Variants in SGCZ observed in about 807,000 individuals in gnomAD.
The protein encoded by SGCZ is sarcoglycan zeta.
SGCZ carries 40 observed loss-of-function variants against 41.3 expected under a neutral mutation model. The observed-to-expected ratio is 0.97, with a 90% CI of 0.75 to 1.26. SGCZ has a LOEUF of 1.26. Ranked by LOEUF, SGCZ falls within the 50% of genes most tolerant of loss-of-function variation. The probability of loss-of-function intolerance (pLI) is 0.00; values close to 1 mark genes in which losing one functional copy is unlikely to be tolerated. For synonymous variants in SGCZ, 206 were observed against 137.5 expected, an observed-to-expected ratio of 1.50 and a Z score of -3.49; for missense variants, 552 against 369.8, an observed-to-expected ratio of 1.49 and a Z score of -4.04.
intron 1 of SGCZ, among the ~76,000 whole-genome samples, chr8:14,726,178 G>T (rs1336121994): frequency 6.7e-6 from 1 of 150,144 alleles, no homozygotes; most frequent in African/African-American, 2.4e-5. Flanking sequence ...AGAATCACTT[G>T]AACCTGGGAG....
intron 4 of SGCZ, among the ~76,000 whole-genome samples, chr8:14,217,598 A>C (rs1218130170): frequency 6.6e-6 from 1 of 151,704 alleles, no homozygotes; most frequent in Non-Finnish European, 1.5e-5. Flanking sequence ...ATGAAGCAAA[A>C]ACACTTGAGA....
intron 4 of SGCZ, among the ~76,000 whole-genome samples, chr8:14,207,798 G>C (rs574230913): frequency 3.9e-5 from 6 of 152,098 alleles, no homozygotes; most frequent in Non-Finnish European, 8.8e-5. Context: ...AACTCATGAA[G>C]GGCAGGGATC....
intron 3 of SGCZ, among the ~76,000 whole-genome samples, chr8:14,271,541 C>A (rs756092311): frequency 6.6e-5 from 10 of 152,194 alleles, no homozygotes; most frequent in African/African-American, 2.4e-4. Context: ...TCTGGAATTA[C>A]AATTTTGACT....
intron 1 of SGCZ, among the ~76,000 whole-genome samples, chr8:15,110,708 C>G (rs1014335440): frequency 1.3e-5 from 2 of 152,210 alleles, no homozygotes; most frequent in Non-Finnish European, 2.9e-5. Context: ...GTGGCTCACT[C>G]CTGTAATCCC....
intron 1 of SGCZ, among the ~76,000 whole-genome samples, chr8:15,133,803 A>T (rs1808006197): frequency 6.6e-6 from 1 of 152,210 alleles, no homozygotes; most frequent in African/African-American, 2.4e-5. Flanking sequence ...TCTGAGCAGA[A>T]AATGAGCCTA....
chr8:14,900,380 G>A (rs1268686185), intron 1 of SGCZ, among the ~76,000 whole-genome samples: 1 of 152,088 alleles, frequency 6.6e-6, no homozygotes, highest in African/African-American at 2.4e-5. Context: ...TTGAGTGAGT[G>A]AGGCTGAAAG....
intron 2 of SGCZ, among the ~76,000 whole-genome samples, chr8:14,479,803 T>A (rs983924127): frequency 2.8e-4 from 41 of 144,284 alleles, no homozygotes; most frequent in African/African-American, 9.8e-4. Flanking sequence ...TGGAGTGCAA[T>A]CGCATGATCT....
chr8:14,509,102 T>A (rs187349670), intron 2 of SGCZ, among the ~76,000 whole-genome samples: 1 of 152,246 alleles, frequency 6.6e-6, no homozygotes, highest in African/African-American at 2.4e-5. Flanking sequence ...AGGCTCTTTA[T>A]GTATTAAACA....
chr8:15,110,860 T>G (rs778915272), intron 1 of SGCZ, among the ~76,000 whole-genome samples: 7 of 151,932 alleles, frequency 4.6e-5, no homozygotes, highest in South Asian at 2.1e-4. Context: ...CCCAGCTACT[T>G]AAGAGGCTGA....
chr8:14,655,923 G>A (rs1478899408), intron 1 of SGCZ, among the ~76,000 whole-genome samples: 2 of 152,132 alleles, frequency 1.3e-5, no homozygotes, highest in African/African-American at 4.8e-5. Flanking sequence ...GTCATCCAGA[G>A]TATTTCAAGT....
intron 1 of SGCZ, among the ~76,000 whole-genome samples, chr8:15,198,036 T>C (rs1190424389): frequency 6.8e-6 from 1 of 147,596 alleles, no homozygotes. Flanking sequence ...TGTTACATTA[T>C]ATATTTATAT....
chr8:14,702,328 G>A (rs1053702194), intron 1 of SGCZ, among the ~76,000 whole-genome samples: 4 of 151,576 alleles, frequency 2.6e-5, no homozygotes, highest in Non-Finnish European at 5.9e-5. Context: ...GACATTTATT[G>A]TTAGAATGCT....
chr8:14,458,033 G>A (rs1461874), intron 2 of SGCZ, among the ~76,000 whole-genome samples: 152,230 of 152,248 alleles, frequency 1, 76,106 homozygotes, highest in Non-Finnish European at 1. Flanking sequence ...TAGAACCATG[G>A]GTCAATCAAA....
At chr8:14,286,064 T>A (rs772816952) in intron 3 of SGCZ, among the ~76,000 whole-genome samples, 3 of 150,068 alleles carry the variant, frequency 2.0e-5, no homozygotes, top group Non-Finnish European at 4.4e-5. Flanking sequence ...TTTATGCTAA[T>A]GCAGTCAATG....
intron 2 of SGCZ, among the ~76,000 whole-genome samples, chr8:14,521,443 G>A (rs1015744199): frequency 6.6e-6 from 1 of 151,870 alleles, no homozygotes; most frequent in Non-Finnish European, 1.5e-5. Context: ...TAACAAACCT[G>A]CACTTGTACC....
chr8:14,872,432 A>T (rs1235914134), intron 1 of SGCZ, among the ~76,000 whole-genome samples: 1 of 152,136 alleles, frequency 6.6e-6, no homozygotes, highest in Middle Eastern at 3.2e-3. Context: ...AGTGGTTACT[A>T]TTAATATCTA....
At chr8:14,183,438 A>AT (rs1481902664) in intron 4 of SGCZ, among the ~76,000 whole-genome samples, 1 of 152,182 alleles carries the variant, frequency 6.6e-6, no homozygotes, top group African/African-American at 2.4e-5. Flanking sequence ...AACTCAACAG[A>AT]GATAGTACAT....
chr8:14,809,939 G>T (rs1213161546), intron 1 of SGCZ, among the ~76,000 whole-genome samples: 1 of 152,052 alleles, frequency 6.6e-6, no homozygotes, highest in East Asian at 1.9e-4. Flanking sequence ...TAGATACTTA[G>T]AATCTATTTA....
chr8:14,592,969 C>T lies in SGCZ; in HGVS notation c.40-38043G>A, dbSNP rs529647360. On this transcript the variant is annotated intron_variant, in intron 1 of 7. Coordinates refer to ENST00000382080, the MANE Select transcript of SGCZ (RefSeq NM_139167.4). Reference sequence around the variant, plus strand: ...CAGTTTCTCTACTGTGTGAAACTACCGCAATTGTTGGTTTCTGTTGTCTCT... The same window carrying T: ...CAGTTTCTCTACTGTGTGAAACTACTGCAATTGTTGGTTTCTGTTGTCTCT... 2.4e-4 allele frequency among the ~76,000 whole-genome samples: 37 copies of T among 152,184 alleles called. No homozygotes were observed. The South Asian group carries it at 5.6e-3, about 23-fold the overall frequency.
Sources: gnomAD v4.1 joint callset for allele counts (sites outside exome capture counted in the v4.1 genomes callset) on GRCh38, gnomAD v4.1.1 for gene constraint, MANE v1.5 for transcripts, NCBI Gene and HGNC (gene_info 2026-07-23, HGNC 2026-07-21) for gene names.